Variants in KCNIP4 observed in about 807,000 individuals in gnomAD.
KCNIP4 encodes potassium voltage-gated channel interacting protein 4.
In KCNIP4, 12 loss-of-function variants were observed where a neutral mutation model predicts 34.0. That is an observed-to-expected ratio of 0.35 (90% confidence interval 0.23 to 0.57). The LOEUF is 0.57. Ranked by LOEUF, KCNIP4 falls within the 20% of genes least tolerant of loss-of-function variation. KCNIP4 has a pLI of 0.83. For missense variants in KCNIP4, 238 were observed against 311.7 expected, an observed-to-expected ratio of 0.76 and a Z score of 1.78; for synonymous variants, 124 against 102.2, an observed-to-expected ratio of 1.21 and a Z score of -1.29.
At chr4:21,080,939 T>C (rs1394630573) in intron 1 of KCNIP4, among the ~76,000 whole-genome samples, 1 of 151,908 alleles carries the variant, frequency 6.6e-6, no homozygotes, top group Non-Finnish European at 1.5e-5. Flanking sequence ...ATGAAGTCTA[T>C]AGAAAATATC....
chr4:21,355,479 G>T (rs541578706), intron 1 of KCNIP4, among the ~76,000 whole-genome samples: 62 of 152,074 alleles, frequency 4.1e-4, no homozygotes, highest in African/African-American at 1.4e-3. Flanking sequence ...TATCACCACC[G>T]ATCCCACAGA....
At chr4:20,750,807 A>G (rs1372664091) in intron 4 of KCNIP4, among the ~76,000 whole-genome samples, 1 of 152,206 alleles carries the variant, frequency 6.6e-6, no homozygotes, top group Non-Finnish European at 1.5e-5. Flanking sequence ...TAAAATGGTA[A>G]CCTTTTAGCT....
At chr4:21,473,061 T>C (rs754144483) in intron 1 of KCNIP4, among the ~76,000 whole-genome samples, 1 of 152,208 alleles carries the variant, frequency 6.6e-6, no homozygotes, top group Non-Finnish European at 1.5e-5. Context: ...AAGTTGAACC[T>C]GATCTCTTTC....
intron 1 of KCNIP4, among the ~76,000 whole-genome samples, chr4:21,506,361 G>A (rs1288146939): frequency 2.0e-5 from 3 of 152,172 alleles, no homozygotes; most frequent in Non-Finnish European, 4.4e-5. Flanking sequence ...TGTGTGAAAT[G>A]ACTAGAATAA....
chr4:20,898,119 C>T (rs141962156), intron 1 of KCNIP4, among the ~76,000 whole-genome samples: 130 of 152,236 alleles, frequency 8.5e-4, no homozygotes, highest in African/African-American at 3.0e-3. Flanking sequence ...TCCATCTTCT[C>T]CTGCCCTTGG....
intron 1 of KCNIP4, among the ~76,000 whole-genome samples, chr4:21,590,401 T>G (rs2109093872): frequency 6.6e-6 from 1 of 151,888 alleles, no homozygotes; most frequent in African/African-American, 2.4e-5. Context: ...GTTTAAAGAG[T>G]ATGAATAATC....
chr4:21,276,974 A>G (rs142012177), intron 1 of KCNIP4, among the ~76,000 whole-genome samples: 1 of 152,340 alleles, frequency 6.6e-6, no homozygotes, highest in East Asian at 1.9e-4. Flanking sequence ...ACTATGGATG[A>G]TAAGTGTGAT....
Position 21,191,901 on chromosome 4 carries a change from T to A in KCNIP4, c.62-309192A>T, listed in dbSNP as rs1303944038. On this transcript the variant is annotated intron_variant, in intron 1 of 8. Coordinates refer to ENST00000382152, the MANE Select transcript of KCNIP4 (RefSeq NM_025221.6). ...ATCCTTGTTTGTGTTAGTATTTTGA[T>A]TATTTTTCTTACCACAATAACATGA... Among the ~76,000 whole-genome samples the A allele has an allele frequency of 2.0e-5, 3 of 152,216 alleles. No individual in the cohort carries two copies. The East Asian group carries it at 5.8e-4, about 29-fold the overall frequency.
intron 3 of KCNIP4, among the ~76,000 whole-genome samples, chr4:20,803,688 GGAGA>G (rs1178823245): frequency 2.0e-5 from 2 of 100,844 alleles, no homozygotes; most frequent in African/African-American, 8.3e-5. Flanking sequence ...AGAAAGAGAG[GGAGA>G]GAGAGAGAGA....
chr4:21,533,217 T>C (rs540265675), intron 1 of KCNIP4, among the ~76,000 whole-genome samples: 1 of 152,230 alleles, frequency 6.6e-6, no homozygotes, highest in South Asian at 2.1e-4. Flanking sequence ...CATGAATATA[T>C]GCTCTCTCAC....
chr4:21,587,297 C>T (rs1321642908), intron 1 of KCNIP4, among the ~76,000 whole-genome samples: 1 of 152,036 alleles, frequency 6.6e-6, no homozygotes, highest in Non-Finnish European at 1.5e-5. Context: ...ATGATAATTC[C>T]TGACCTATCT....
chr4:21,707,987 T>C (rs1713424350), intron 1 of KCNIP4, among the ~76,000 whole-genome samples: 1 of 151,566 alleles, frequency 6.6e-6, no homozygotes, highest in Non-Finnish European at 1.5e-5. Context: ...TCAGCTAATA[T>C]ACATATACAA....
At chr4:21,114,950 A>T (rs562164869) in intron 1 of KCNIP4, among the ~76,000 whole-genome samples, 10 of 152,262 alleles carry the variant, frequency 6.6e-5, no homozygotes, top group African/African-American at 2.4e-4. Flanking sequence ...AAGTAAAAAG[A>T]CTCAAAAATA....
chr4:21,273,781 A>T (rs1762287829), intron 1 of KCNIP4, among the ~76,000 whole-genome samples: 1 of 152,124 alleles, frequency 6.6e-6, no homozygotes, highest in Admixed American at 6.5e-5. Flanking sequence ...AAGGTGGATC[A>T]CTCGTTTCTA....
At chr4:20,957,083 A>G (rs1733389963) in intron 1 of KCNIP4, among the ~76,000 whole-genome samples, 1 of 152,214 alleles carries the variant, frequency 6.6e-6, no homozygotes, top group Admixed American at 6.5e-5. Flanking sequence ...AAGAAAGTAA[A>G]AAGAAAAGAA....
chr4:20,997,277 G>A (rs141181961), intron 1 of KCNIP4, among the ~76,000 whole-genome samples: 1 of 152,170 alleles, frequency 6.6e-6, no homozygotes, highest in Non-Finnish European at 1.5e-5. Flanking sequence ...TGTTGTAATG[G>A]TCTATACCAG....
At chr4:21,479,897 C>T (rs150949843) in intron 1 of KCNIP4, among the ~76,000 whole-genome samples, 22 of 151,102 alleles carry the variant, frequency 1.5e-4, no homozygotes, top group African/African-American at 1.2e-4. Flanking sequence ...GTTTTAGGCA[C>T]GAGAATCATT....
chr4:21,208,122 G>A (rs1182028381), intron 1 of KCNIP4, among the ~76,000 whole-genome samples: 5 of 152,028 alleles, frequency 3.3e-5, no homozygotes, highest in African/African-American at 4.8e-5. Flanking sequence ...GATTACAGGT[G>A]TGCGCCACTG....
intron 3 of KCNIP4, among the ~76,000 whole-genome samples, chr4:20,839,608 T>G (rs150757930): frequency 6.6e-6 from 1 of 151,800 alleles, no homozygotes; most frequent in Admixed American, 6.6e-5. Flanking sequence ...AAAGAACTTC[T>G]AGATTATACA....
Sources: allele counts gnomAD v4.1 joint callset (sites outside exome capture counted in the v4.1 genomes callset), GRCh38; gene constraint gnomAD v4.1.1; transcripts MANE v1.5; gene names NCBI Gene and HGNC (gene_info 2026-07-23, HGNC 2026-07-21).